The following THSD7A variants were observed in gnomAD, a reference collection of about 807,000 sequenced individuals.
The protein encoded by THSD7A is thrombospondin type-1 domain-containing protein 7A.
Under a neutral mutation model 231.3 loss-of-function variants are expected in THSD7A, and 96 were observed. The observed-to-expected ratio is 0.41, with a 90% CI of 0.35 to 0.49. The LOEUF is 0.49. Ranked by LOEUF, THSD7A falls within the 20% of genes least tolerant of loss-of-function variation. THSD7A has a pLI of 0.05. For missense variants in THSD7A, 2,290 were observed against 2,070.2 expected, an observed-to-expected ratio of 1.11 and a Z score of -2.06; for synonymous variants, 940 against 743.3, an observed-to-expected ratio of 1.26 and a Z score of -4.30.
intron 8 of THSD7A, among the ~76,000 whole-genome samples, chr7:11,470,647 T>A (rs989174547): frequency 3.3e-5 from 5 of 151,838 alleles, no homozygotes; most frequent in Non-Finnish European, 7.4e-5. Context: ...TCCCTAGTTT[T>A]AAATGATGGG....
chr7:11,446,412 C>A lies in THSD7A; in HGVS notation c.2801-88G>T. On this transcript the variant is annotated intron_variant, in intron 12 of 27. Transcript: ENST00000423059. The surrounding 1 kb of genome is among the most constrained non-coding windows in gnomAD (Gnocchi z 4.0). Reference sequence around the variant, plus strand: ...CCTAAATTTTCTGCTTTCCTAATTTCTTTTTCTTCATTTTTAACCATATTT... The same window carrying A: ...CCTAAATTTTCTGCTTTCCTAATTTATTTTTCTTCATTTTTAACCATATTT... 1.4e-6 allele frequency: 2 copies of A among 1,397,518 alleles called. No homozygotes were observed. The highest frequency in any genetic ancestry group is 1.9e-6 in the Non-Finnish European group (2 of 1,035,508). The allele number at this position is 1,397,518 out of a possible 1,614,324, so 86.6% of individuals were successfully genotyped here. A position where few individuals can be genotyped will look rare whatever the true frequency, so the allele number is the denominator to read the frequency against.
chr7:11,796,232 C>A (rs1344474752), intron 1 of THSD7A, among the ~76,000 whole-genome samples: 2 of 150,528 alleles, frequency 1.3e-5, no homozygotes, highest in Non-Finnish European at 3.0e-5. Flanking sequence ...ATTCTAGACC[C>A]TTTCTACTGA....
At chr7:11,750,687 C>T (rs1583256138) in intron 1 of THSD7A, among the ~76,000 whole-genome samples, 1 of 151,972 alleles carries the variant, frequency 6.6e-6, no homozygotes, top group Non-Finnish European at 1.5e-5. Flanking sequence ...TGGCCAGTCT[C>T]TACTCAGACA....
chr7:11,601,811 T>A (rs1780563999), intron 2 of THSD7A, among the ~76,000 whole-genome samples: 1 of 152,156 alleles, frequency 6.6e-6, no homozygotes, highest in Admixed American at 6.6e-5. Context: ...TGTTTAATAC[T>A]CTCAATAATC....
At chr7:11,496,912 G>A (rs1787125749) in intron 6 of THSD7A, among the ~76,000 whole-genome samples, 1 of 152,164 alleles carries the variant, frequency 6.6e-6, no homozygotes, top group Non-Finnish European at 1.5e-5. Context: ...CTTTATTAGA[G>A]CAGACAATAT....
chr7:11,638,760 G>C (rs1781965142), intron 1 of THSD7A, among the ~76,000 whole-genome samples: 1 of 152,064 alleles, frequency 6.6e-6, no homozygotes, highest in Non-Finnish European at 1.5e-5. Context: ...TATGAATGTT[G>C]AAACTTTATG....
intron 23 of THSD7A, among the ~76,000 whole-genome samples, chr7:11,387,854 A>G (rs954794390): frequency 2.6e-5 from 4 of 152,160 alleles, no homozygotes; most frequent in African/African-American, 9.7e-5. Flanking sequence ...TTTGTCATAA[A>G]TAGCTCTTAT....
chr7:11,674,767 C>A (rs1349955804), intron 1 of THSD7A, among the ~76,000 whole-genome samples: 1 of 152,128 alleles, frequency 6.6e-6, no homozygotes, highest in Non-Finnish European at 1.5e-5. Flanking sequence ...AGTGTTTAAT[C>A]ACCTCCAAAG....
At chr7:11,618,635 TAAAAATACAA>T (rs1224594539) in intron 2 of THSD7A, among the ~76,000 whole-genome samples, 3 of 151,824 alleles carry the variant, frequency 2.0e-5, no homozygotes, top group African/African-American at 7.3e-5. Flanking sequence ...CCGTCTCTAC[TAAAAATACAA>T]AAAAATTAGC....
intron 23 of THSD7A, among the ~76,000 whole-genome samples, chr7:11,397,793 GA>G (rs1783244917): frequency 6.6e-6 from 1 of 152,062 alleles, no homozygotes; most frequent in Non-Finnish European, 1.5e-5. Flanking sequence ...CAACAAACAT[GA>G]AAAAAAGCTC....
chr7:11,419,855 C>G (rs1439758186), intron 16 of THSD7A, among the ~76,000 whole-genome samples: 1 of 152,140 alleles, frequency 6.6e-6, no homozygotes, highest in Non-Finnish European at 1.5e-5. Flanking sequence ...CCCACTTTTG[C>G]TATACTTTAG....
chr7:11,809,873 G>A (rs1345088661), intron 1 of THSD7A, among the ~76,000 whole-genome samples: 1 of 152,132 alleles, frequency 6.6e-6, no homozygotes, highest in South Asian at 2.1e-4. Context: ...GCTGAGAATT[G>A]TATCTAATAT....
intron 6 of THSD7A, among the ~76,000 whole-genome samples, chr7:11,497,509 C>CCAAT (rs2128308993): frequency 6.6e-6 from 1 of 152,264 alleles, no homozygotes; most frequent in Admixed American, 6.5e-5. Flanking sequence ...AAGCCAATTA[C>CCAAT]CAATCCAATG....
At position 11,481,817 on chromosome 7, in the gene THSD7A, C is replaced by A. The variant is rs749447777; in HGVS notation, c.1988G>T (p.Arg663Leu). The A allele has an allele frequency of 2.5e-6, 4 of 1,613,290 alleles. No homozygotes were observed. The highest frequency in any genetic ancestry group is 2.7e-5 in the African/African-American group (2 of 74,896). ...KTTEGKQIRA[R>L]SILAYAGEEG... ...TTCACCCGCATAGGCCAGAATGGAT[C>A]GTGCTCGTATCTGTTTCCCTTCTGT... The change falls in exon 7 of 28, where the codon CGA becomes CTA. Residue 663 changes from arginine to leucine, a missense_variant. Physicochemically the swap from Arg to Leu is moderately radical, Grantham distance 102. Transcript: ENST00000423059.
At chr7:11,723,251 C>A (rs1001396174) in intron 1 of THSD7A, among the ~76,000 whole-genome samples, 1 of 138,464 alleles carries the variant, frequency 7.2e-6, no homozygotes, top group Non-Finnish European at 1.5e-5. Context: ...CGCATGTCCT[C>A]AATCATAGGT....
intron 4 of THSD7A, among the ~76,000 whole-genome samples, chr7:11,583,913 G>C (rs1484597029): frequency 1.3e-5 from 2 of 152,114 alleles, no homozygotes; most frequent in African/African-American, 2.4e-5. Flanking sequence ...GGAATTCTTA[G>C]TGAGTCTTAT....
chr7:11,496,230 T>A (rs999898251), intron 6 of THSD7A, among the ~76,000 whole-genome samples: 2 of 152,182 alleles, frequency 1.3e-5, no homozygotes, highest in Admixed American at 1.3e-4. Context: ...TAGACATGAT[T>A]ATTATACCCA....
Position 11,429,079 on chromosome 7 carries a change from C to T in THSD7A, c.3111G>A (p.Lys1037=). ...ACIIPCPSDC[K]LSEWSNWSRC... is the part of the protein sequence containing the mutation. The stretch of plus-strand genomic sequence containing the variant: ...GCGACCAGTTGGACCACTCACTGAG[C>T]TTGCAGTCTGAGGGGCAGGGGATGA... Residue 1037 remains lysine, a synonymous_variant, in exon 14 of 28, where the codon AAG becomes AAA. Transcript: ENST00000423059. 11 of 1,611,446 alleles carry T rather than the reference C, an allele frequency of 6.8e-6. No homozygotes were observed. The highest frequency in any genetic ancestry group is 9.3e-6 in the Non-Finnish European group (11 of 1,178,922).
chr7:11,511,387 C>G (rs1787802392), intron 6 of THSD7A, among the ~76,000 whole-genome samples: 1 of 152,066 alleles, frequency 6.6e-6, no homozygotes. Context: ...CAATGCCATC[C>G]CCATCAAACT....
Sources: allele counts gnomAD v4.1 joint callset (sites outside exome capture counted in the v4.1 genomes callset), GRCh38; gene constraint gnomAD v4.1.1; non-coding constraint Gnocchi (gnomAD v3.1); transcripts MANE v1.5; gene names NCBI Gene and HGNC (gene_info 2026-07-23, HGNC 2026-07-21).